The following TRABD2B variants were observed in gnomAD, a reference collection of about 807,000 sequenced individuals.
The protein encoded by TRABD2B is TraB domain containing 2B.
TRABD2B carries 14 observed loss-of-function variants against 40.1 expected under a neutral mutation model. The ratio of observed to expected loss-of-function variants is 0.35; its 90% CI spans 0.23 to 0.55. The LOEUF is 0.55. Ranked by LOEUF, TRABD2B falls within the 20% of genes least tolerant of loss-of-function variation. TRABD2B has a pLI of 0.90. For synonymous variants in TRABD2B, 263 were observed against 277.0 expected, an observed-to-expected ratio of 0.95 and a Z score of 0.50; for missense variants, 541 against 648.6, an observed-to-expected ratio of 0.83 and a Z score of 1.80.
At chr1:47,915,125 G>A in intron 2 of TRABD2B, among the ~76,000 whole-genome samples, 1 of 152,248 alleles carries the variant, frequency 6.6e-6, no homozygotes, top group East Asian at 1.9e-4. Flanking sequence ...GCACACAGTA[G>A]GGGTGCAGTT....
At chr1:47,981,894 C>A (rs1201585608) in intron 2 of TRABD2B, among the ~76,000 whole-genome samples, 2 of 152,184 alleles carry the variant, frequency 1.3e-5, no homozygotes, top group Admixed American at 6.5e-5. Flanking sequence ...AACATCCAAC[C>A]TGTCTGAGCA....
At position 47,993,540 on chromosome 1, in the gene TRABD2B, A is replaced by C. The variant is rs1227362479; in HGVS notation, c.666+494T>G. Among the ~76,000 whole-genome samples, 3 of 152,280 alleles carry C rather than the reference A, an allele frequency of 2.0e-5. No individual in the cohort carries two copies. In the East Asian group the frequency reaches 5.8e-4, roughly 29 times the overall value. The stretch of plus-strand genomic sequence containing the variant: ...CGGGAAACTGATGGTGCTTAACCTC[A>C]AATGGCAAGCAGCACTCTACTGTCG... On this transcript the variant is annotated intron_variant, in intron 2 of 6. Coordinates refer to ENST00000606738, the MANE Select transcript of TRABD2B (RefSeq NM_001194986.2).
chr1:47,960,596 C>G (rs1221917273), intron 2 of TRABD2B, among the ~76,000 whole-genome samples: 1 of 152,096 alleles, frequency 6.6e-6, no homozygotes, highest in Non-Finnish European at 1.5e-5. Context: ...AATCATGAGT[C>G]AACTCCTATT....
intron 2 of TRABD2B, among the ~76,000 whole-genome samples, chr1:47,945,505 G>C (rs1346835099): frequency 6.6e-6 from 1 of 152,172 alleles, no homozygotes; most frequent in African/African-American, 2.4e-5. Context: ...AACATGTACA[G>C]TCATGTAACC....
intron 2 of TRABD2B, among the ~76,000 whole-genome samples, chr1:47,904,901 T>C (rs1644655397): frequency 6.6e-6 from 1 of 152,232 alleles, no homozygotes; most frequent in Non-Finnish European, 1.5e-5. Flanking sequence ...ATGCTCCAAA[T>C]CACTTAAATT....
chr1:47,969,557 T>G (rs918158723), intron 2 of TRABD2B, among the ~76,000 whole-genome samples: 3 of 152,324 alleles, frequency 2.0e-5, no homozygotes, highest in African/African-American at 7.2e-5. Context: ...AGTCACACTT[T>G]AGAAACTTAC....
chr1:47,795,804 A>G (rs1343576523), intron 3 of TRABD2B: 4 of 709,926 alleles, frequency 5.6e-6, no homozygotes, highest in Non-Finnish European at 6.9e-6. Context: ...AAATGCCTCC[A>G]TCCCTTTTTG....
chr1:47,776,860 T>C (rs1644454450), intron 5 of TRABD2B, among the ~76,000 whole-genome samples: 1 of 152,198 alleles, frequency 6.6e-6, no homozygotes, highest in Non-Finnish European at 1.5e-5. Context: ...ATTCTCAGGA[T>C]TCAGGCTGCC....
At chr1:47,799,933 C>T (rs1341921180) in intron 3 of TRABD2B, among the ~76,000 whole-genome samples, 2 of 152,186 alleles carry the variant, frequency 1.3e-5, no homozygotes, top group East Asian at 3.8e-4. Context: ...AATTCATTCT[C>T]GAATGTCCCC....
intron 2 of TRABD2B, among the ~76,000 whole-genome samples, chr1:47,929,407 G>A (rs1189190066): frequency 1.3e-5 from 2 of 152,194 alleles, no homozygotes; most frequent in Admixed American, 1.3e-4. Context: ...GATTGCCTGG[G>A]TGTTTATCAG....
chr1:47,946,863 C>A (rs1645266203), intron 2 of TRABD2B, among the ~76,000 whole-genome samples: 1 of 151,742 alleles, frequency 6.6e-6, no homozygotes, highest in South Asian at 2.1e-4. Flanking sequence ...TTTGCTAATT[C>A]AGTTTGCTTC....
chr1:47,911,886 C>T (rs1307314901), intron 2 of TRABD2B, among the ~76,000 whole-genome samples: 1 of 152,254 alleles, frequency 6.6e-6, no homozygotes, highest in African/African-American at 2.4e-5. Flanking sequence ...ACGCAGGTTT[C>T]ATGCCTGTGA....
chr1:47,968,696 G>C (rs1247440929), intron 2 of TRABD2B, among the ~76,000 whole-genome samples: 1 of 152,216 alleles, frequency 6.6e-6, no homozygotes, highest in African/African-American at 2.4e-5. Flanking sequence ...ACTAGCTCTG[G>C]GGTGGGCGTG....
Position 47,997,208 on chromosome 1 carries a change from G to A in TRABD2B, c.-419C>T, listed in dbSNP as rs1646106664. 1 of 983,180 alleles carries A rather than the reference G, an allele frequency of 1.0e-6. No homozygotes were observed. Among genetic ancestry groups the A allele is most frequent in the Non-Finnish European group, 1.2e-6 (1 of 829,176 alleles). 60.9% of individuals were successfully genotyped at this position (983,180 alleles called of 1,614,324 possible). On this transcript the variant is annotated 5_prime_UTR_variant, in exon 1 of 7. Transcript: ENST00000606738. Reference sequence around the variant, plus strand: ...CGGGGCACGCAAGGGTCCCAGGGGTGCGCGGCGCTCCAGGAGGCGCGCAGT... The same window carrying A: ...CGGGGCACGCAAGGGTCCCAGGGGTACGCGGCGCTCCAGGAGGCGCGCAGT...
chr1:47,935,391 G>C (rs943866253), intron 2 of TRABD2B, among the ~76,000 whole-genome samples: 2 of 152,130 alleles, frequency 1.3e-5, no homozygotes, highest in Non-Finnish European at 1.5e-5. Context: ...GTTCGCACCC[G>C]TCGTCACTGT....
At chr1:47,862,251 T>C (rs541273149) in intron 2 of TRABD2B, among the ~76,000 whole-genome samples, 1 of 152,286 alleles carries the variant, frequency 6.6e-6, no homozygotes, top group South Asian at 2.1e-4. Flanking sequence ...CTAATGTAAT[T>C]AAGAAAATGA....
At chr1:47,901,620 CAAG>C (rs1277607709) in intron 2 of TRABD2B, among the ~76,000 whole-genome samples, 1 of 152,208 alleles carries the variant, frequency 6.6e-6, no homozygotes, top group African/African-American at 2.4e-5. Context: ...CCCCTGCACT[CAAG>C]GAGTTCATGG....
chr1:47,946,778 C>CAGGAGAGGGTAGGGA (rs1441581713), intron 2 of TRABD2B, among the ~76,000 whole-genome samples: 3 of 152,144 alleles, frequency 2.0e-5, no homozygotes, highest in Non-Finnish European at 4.4e-5. Context: ...GAAGTGTTCC[C>CAGGAGAGGGTAGGGA]TCCTCTACCC....
rs1187595162 is a variant in TRABD2B at position 47,960,894 on chromosome 1, G to A, written c.666+33140C>T. Among the ~76,000 whole-genome samples, 7 of 152,068 alleles carry A rather than the reference G, an allele frequency of 4.6e-5. No homozygotes were observed. The South Asian group carries it at 1.0e-3, about 23-fold the overall frequency. On this transcript the variant is annotated intron_variant, in intron 2 of 6. Transcript: ENST00000606738. ...TTCATATGGAACCAAAAAAGAGCCC[G>A]CATTGCCAAGTCAATCCTGAGCCAA...
Sources: allele counts gnomAD v4.1 joint callset (sites outside exome capture counted in the v4.1 genomes callset), GRCh38; gene constraint gnomAD v4.1.1; transcripts MANE v1.5; gene names NCBI Gene and HGNC (gene_info 2026-07-23, HGNC 2026-07-21).